The following GRIA3 variants were observed in gnomAD, a reference collection of about 807,000 sequenced individuals.
GRIA3 encodes glutamate receptor 3.
Under a neutral mutation model 63.0 loss-of-function variants are expected in GRIA3, and 3 were observed. The observed-to-expected ratio is 0.05, with a 90% CI of 0.02 to 0.12. The LOEUF (loss-of-function observed/expected upper bound fraction) is 0.12. GRIA3 is among the 10% of genes least tolerant of loss of function. GRIA3 has a pLI of 1.00. For synonymous variants in GRIA3, 274 were observed against 257.9 expected (o/e 1.06, Z -0.60); for missense variants, 347 against 700.9 (o/e 0.50, Z 5.70).
At chrX:123,228,331 A>T (rs1292220047) in intron 2 of GRIA3, among the ~76,000 whole-genome samples, 1 of 111,343 alleles carries the variant, frequency 9.0e-6, no homozygotes, top group Non-Finnish European at 1.9e-5. Context: ...ATTATAGTAA[A>T]TTGTATTATT....
At chrX:123,372,968 A>T (rs2045258350) in intron 5 of GRIA3, among the ~76,000 whole-genome samples, 1 of 108,841 alleles carries the variant, frequency 9.2e-6, no homozygotes, top group Admixed American at 9.9e-5. Context: ...TGCACCCATT[A>T]ACTCATCATT....
At chrX:123,205,394 C>T (rs988523021) in intron 2 of GRIA3, among the ~76,000 whole-genome samples, 1 of 112,039 alleles carries the variant, frequency 8.9e-6, no homozygotes, top group African/African-American at 3.2e-5. Context: ...CATCAAACAC[C>T]TCCACACCTT....
chrX:123,377,948 A>G (rs2045297365), intron 5 of GRIA3, among the ~76,000 whole-genome samples: 1 of 112,332 alleles, frequency 8.9e-6, no homozygotes, highest in South Asian at 3.7e-4. Context: ...GATTTTATAA[A>G]AAGAAGTTCC....
chrX:123,386,324 GTTGT>G (rs2045353931), intron 5 of GRIA3, among the ~76,000 whole-genome samples: 1 of 111,027 alleles, frequency 9.0e-6, no homozygotes, highest in South Asian at 3.7e-4. Context: ...TTTTTATTGA[GTTGT>G]TTGAGTTCCT....
intron 13 of GRIA3, among the ~76,000 whole-genome samples, chrX:123,469,821 C>A (rs890031067): frequency 2.7e-5 from 3 of 111,914 alleles, no homozygotes; most frequent in African/African-American, 9.7e-5. Context: ...GGCACATCAG[C>A]CTCCTTCTGC....
At chrX:123,340,901 C>T (rs955344224) in intron 4 of GRIA3, among the ~76,000 whole-genome samples, 3 of 111,730 alleles carry the variant, frequency 2.7e-5, no homozygotes, top group East Asian at 2.8e-4. Flanking sequence ...TGTTTCCCAG[C>T]GATGAAAAAC....
intron 2 of GRIA3, chrX:123,202,652 C>G (rs1927774397): frequency 8.6e-7 from 1 of 1,166,653 alleles, no homozygotes; most frequent in Non-Finnish European, 1.1e-6. Flanking sequence ...CTGAAAGGGA[C>G]TACCTGCCTT....
At chrX:123,229,294 C>T (rs2044264407) in intron 2 of GRIA3, among the ~76,000 whole-genome samples, 1 of 111,621 alleles carries the variant, frequency 9.0e-6, no homozygotes, top group African/African-American at 3.3e-5. Context: ...TCATGATGAC[C>T]GTGAAACTGT....
chrX:123,208,211 G>A (rs989983507), intron 2 of GRIA3, among the ~76,000 whole-genome samples: 4 of 111,998 alleles, frequency 3.6e-5, no homozygotes, highest in Admixed American at 9.4e-5. Flanking sequence ...CCTTACCAGG[G>A]ACTAAATGAA....
At chrX:123,451,269 G>C (rs2045728648) in intron 12 of GRIA3, among the ~76,000 whole-genome samples, 1 of 109,465 alleles carries the variant, frequency 9.1e-6, no homozygotes, top group African/African-American at 3.3e-5. Context: ...GGGAGGCCAA[G>C]GCATGAGGAA....
In GRIA3 at chrX:123,417,482, C is replaced by T. The variant is rs761357480; in HGVS notation, c.1581C>T (p.Ser527=). 1.7e-6 allele frequency: 2 copies of T among 1,205,957 alleles called. No homozygotes were observed. Among genetic ancestry groups the T allele is most frequent in the African/African-American group, 3.5e-5 (2 of 57,006 alleles). Residue 527 remains serine, a synonymous_variant, in exon 11 of 16, where the codon AGC becomes AGT. Coordinates refer to ENST00000620443, the MANE Select transcript of GRIA3 (RefSeq NM_007325.5). ...EVIDFSKPFM[S]LGISIMIKKP... is the part of the protein sequence containing the mutation. The stretch of plus-strand genomic sequence containing the variant: ...TAGATTTTTCAAAGCCATTCATGAG[C>T]CTGGGCATCTCCATCATGATAAAGA...
chrX:123,317,300 C>T (rs1027659926), intron 3 of GRIA3, among the ~76,000 whole-genome samples: 1 of 111,038 alleles, frequency 9.0e-6, no homozygotes, highest in African/African-American at 3.3e-5. Context: ...CTGGCCTCTC[C>T]AAATCTCATG....
chrX:123,273,348 C>T (rs1343247289), intron 3 of GRIA3, among the ~76,000 whole-genome samples: 1 of 111,784 alleles, frequency 8.9e-6, no homozygotes, highest in Non-Finnish European at 1.9e-5. Context: ...TTTCAAAGGA[C>T]TTATACATAG....
intron 12 of GRIA3, among the ~76,000 whole-genome samples, chrX:123,435,911 C>T (rs188372589): frequency 1.8e-5 from 2 of 111,979 alleles, no homozygotes; most frequent in African/African-American, 6.5e-5. Flanking sequence ...CCTTGCTCTA[C>T]TGTCCTTATG....
intron 13 of GRIA3, among the ~76,000 whole-genome samples, chrX:123,472,338 G>A (rs2045868157): frequency 9.2e-6 from 1 of 109,137 alleles, no homozygotes; most frequent in Non-Finnish European, 1.9e-5. Context: ...TGAGTTTCTG[G>A]TACCGATCTG....
intron 3 of GRIA3, among the ~76,000 whole-genome samples, chrX:123,280,993 G>A (rs1254896410): frequency 1.8e-5 from 2 of 111,433 alleles, no homozygotes; most frequent in East Asian, 2.8e-4. Context: ...ACTCAAGGCC[G>A]AGATTATCAA....
chrX:123,410,557 C>T, intron 10 of GRIA3, among the ~76,000 whole-genome samples: 1 of 111,709 alleles, frequency 9.0e-6, no homozygotes, highest in Non-Finnish European at 1.9e-5. Flanking sequence ...TCTCTTAGGT[C>T]GTCACTATCC....
chrX:123,211,774 A>G (rs1432421880), intron 2 of GRIA3, among the ~76,000 whole-genome samples: 1 of 111,694 alleles, frequency 9.0e-6, no homozygotes, highest in East Asian at 2.8e-4. Flanking sequence ...AAACTTGTTA[A>G]TTTATACAAA....
At chrX:123,467,938 G>C (rs2045843110) in intron 13 of GRIA3, among the ~76,000 whole-genome samples, 1 of 111,697 alleles carries the variant, frequency 9.0e-6, no homozygotes, top group Admixed American at 9.5e-5. Flanking sequence ...GACAGCTCAC[G>C]ATTTCCAGAT....
Sources: allele counts gnomAD v4.1 joint callset (sites outside exome capture counted in the v4.1 genomes callset), GRCh38; gene constraint gnomAD v4.1.1; transcripts MANE v1.5; gene names NCBI Gene and HGNC (gene_info 2026-07-23, HGNC 2026-07-21).